The following MAP7 variants were observed in gnomAD, a reference collection of about 807,000 sequenced individuals.
The protein encoded by MAP7 is ensconsin.
Under a neutral mutation model 94.8 loss-of-function variants are expected in MAP7, and 52 were observed. The ratio of observed to expected loss-of-function variants is 0.55; its 90% CI spans 0.44 to 0.69. The LOEUF (loss-of-function observed/expected upper bound fraction) is 0.69, where lower values mean the gene tolerates loss of function less well. Ranked by LOEUF, MAP7 falls within the 30% of genes least tolerant of loss-of-function variation. MAP7 has a pLI of 0.00. For missense variants in MAP7, 940 were observed against 964.6 expected (o/e 0.97, Z 0.34); for synonymous variants, 350 against 357.0 (o/e 0.98, Z 0.22).
chr6:136,348,719 C>T (rs1000925754), intron 16 of MAP7, among the ~76,000 whole-genome samples: 1 of 152,264 alleles, frequency 6.6e-6, no homozygotes. Context: ...AAAAGGGATA[C>T]ATCTCTTCCT....
chr6:136,390,866 T>C (rs971397117), intron 3 of MAP7, among the ~76,000 whole-genome samples: 1 of 152,178 alleles, frequency 6.6e-6, no homozygotes, highest in African/African-American at 2.4e-5. Context: ...GGTGAGTTTG[T>C]TCTCCTGGCA....
At chr6:136,433,809 G>C (rs188256312) in intron 1 of MAP7, among the ~76,000 whole-genome samples, 42 of 152,302 alleles carry the variant, frequency 2.8e-4, no homozygotes, top group Middle Eastern at 3.4e-3. Flanking sequence ...GGAGCAAAAG[G>C]GTGGAAGAAC....
intron 1 of MAP7, among the ~76,000 whole-genome samples, chr6:136,490,112 C>T (rs1816106568): frequency 6.6e-6 from 1 of 152,120 alleles, no homozygotes; most frequent in Admixed American, 6.5e-5. Flanking sequence ...CAATCACATG[C>T]TGTTATTATT....
intron 2 of MAP7, chr6:136,420,241 A>C: frequency 9.9e-7 from 1 of 1,005,132 alleles, no homozygotes; most frequent in Non-Finnish European, 1.6e-6. Context: ...GAAATCTGAC[A>C]GGGCCGCGCC....
chr6:136,371,717 A>C (rs1010581978), intron 8 of MAP7, among the ~76,000 whole-genome samples: 3 of 152,214 alleles, frequency 2.0e-5, no homozygotes, highest in Non-Finnish European at 4.4e-5. Flanking sequence ...GTCCTTTAAG[A>C]CTAAAGTACA....
At chr6:136,446,277 G>A (rs748221404) in intron 1 of MAP7, among the ~76,000 whole-genome samples, 19 of 150,400 alleles carry the variant, frequency 1.3e-4, no homozygotes, top group Admixed American at 5.3e-4. Flanking sequence ...AGGGCGCAGC[G>A]TAGGAGAAGA....
intron 2 of MAP7, among the ~76,000 whole-genome samples, chr6:136,412,305 G>C (rs1214947440): frequency 6.6e-6 from 1 of 152,114 alleles, no homozygotes; most frequent in Non-Finnish European, 1.5e-5. Flanking sequence ...AACATCTACT[G>C]TGTGCTAGGC....
rs567618567 is a variant in MAP7, at chr6:136,370,433, C to T, written c.876+2068G>A. The stretch of plus-strand genomic sequence containing the variant: ...TATATATCAAGTGAAATTGAAAGAA[C>T]AATCTCTAGAGATATCTATATTCCC... On this transcript the variant is annotated intron_variant, in intron 8 of 17. Transcript: ENST00000354570. Among the ~76,000 whole-genome samples, 32 of 152,320 alleles carry T rather than the reference C, an allele frequency of 2.1e-4. 1 individual carries two copies. In the Middle Eastern group the frequency reaches 0.01, roughly 49 times the overall value.
At chr6:136,522,311 A>T (rs1459395589) in intron 1 of MAP7, among the ~76,000 whole-genome samples, 1 of 151,904 alleles carries the variant, frequency 6.6e-6, no homozygotes, top group East Asian at 1.9e-4. Context: ...AAAACATTAC[A>T]CTCCTACCGA....
At chr6:136,509,454 T>C (rs771291451) in intron 1 of MAP7, among the ~76,000 whole-genome samples, 1 of 152,216 alleles carries the variant, frequency 6.6e-6, no homozygotes, top group Non-Finnish European at 1.5e-5. Flanking sequence ...AGTCTTGCTA[T>C]GTTGCCCAGG....
At chr6:136,418,049 T>G (rs1002036490) in intron 2 of MAP7, among the ~76,000 whole-genome samples, 2 of 152,222 alleles carry the variant, frequency 1.3e-5, no homozygotes, top group Non-Finnish European at 1.5e-5. Flanking sequence ...TCCCACTTCT[T>G]CAGGAACTAG....
At chr6:136,373,001 A>G (rs1017766535) in intron 7 of MAP7, among the ~76,000 whole-genome samples, 1 of 152,232 alleles carries the variant, frequency 6.6e-6, no homozygotes, top group Non-Finnish European at 1.5e-5. Context: ...CATTAGTGAT[A>G]AAAGATAATT....
chr6:136,397,697 G>A (rs1230898324), intron 3 of MAP7, among the ~76,000 whole-genome samples: 1 of 152,170 alleles, frequency 6.6e-6, no homozygotes, highest in African/African-American at 2.4e-5. Context: ...CTCAACAGAA[G>A]CTGAACTTGA....
intron 4 of MAP7, among the ~76,000 whole-genome samples, chr6:136,389,093 G>A (rs1055577694): frequency 8.5e-5 from 13 of 152,192 alleles, no homozygotes; most frequent in East Asian, 1.9e-4. Context: ...TTAATACTCA[G>A]TACAGATGAA....
Position 136,345,884 on chromosome 6 carries a change from T to C in MAP7, c.2211A>G (p.Val737=). 1 of 1,614,198 alleles carries C rather than the reference T, an allele frequency of 6.2e-7. No homozygotes were observed. Among genetic ancestry groups the C allele is most frequent in the East Asian group, 2.2e-5 (1 of 44,876 alleles). The change falls in exon 17 of 18, where the codon GTA becomes GTG. Residue 737 remains valine, a synonymous_variant. Transcript: ENST00000354570. ...CAGTCTGCTGTGTCTGAACACCATC[T>C]ACCTGAGGCAGGGGCCCAAGTGTCC... The part of the protein sequence containing the change: ...DEGTLGPLPQ[V]DGVQTQQTAE...
intron 1 of MAP7, among the ~76,000 whole-genome samples, chr6:136,447,072 T>C (rs112036874): frequency 0.014 from 2,123 of 152,296 alleles, 56 homozygotes; most frequent in African/African-American, 0.048. Context: ...GTGTTCTATA[T>C]GCAATGAGAC....
chr6:136,402,470 G>T (rs1312394912), intron 3 of MAP7, among the ~76,000 whole-genome samples: 1 of 152,186 alleles, frequency 6.6e-6, no homozygotes, highest in Non-Finnish European at 1.5e-5. Flanking sequence ...ACAACACGGT[G>T]CTCCTGCACA....
chr6:136,362,981 G>A (rs2128572275), intron 10 of MAP7, among the ~76,000 whole-genome samples: 1 of 152,294 alleles, frequency 6.6e-6, no homozygotes, highest in African/African-American at 2.4e-5. Flanking sequence ...TATTGAATGT[G>A]TACAAAGCCT....
At position 136,365,573 on chromosome 6, in the gene MAP7, C is replaced by T. The variant is rs12527168; in HGVS notation, c.1273+162G>A. The stretch of plus-strand genomic sequence containing the variant: ...AGTAAAAAACTATTTTTAAGCAATG[C>T]GAAGTTAAAATATTATACTTAAGGA... On this transcript the variant is annotated intron_variant, in intron 10 of 17. Transcript: ENST00000354570. 9.0e-3 allele frequency among the ~76,000 whole-genome samples: 1,363 copies of T among 151,866 alleles called. 60 individuals carry two copies. The East Asian group carries it at 0.13, about 15-fold the overall frequency.
Sources: gnomAD v4.1 joint callset for allele counts (sites outside exome capture counted in the v4.1 genomes callset) on GRCh38, gnomAD v4.1.1 for gene constraint, MANE v1.5 for transcripts, NCBI Gene and HGNC (gene_info 2026-07-23, HGNC 2026-07-21) for gene names.